The following PDE8B variants were observed in gnomAD, a reference collection of about 807,000 sequenced individuals.
PDE8B encodes the protein phosphodiesterase 8B, also known as high affinity cAMP-specific and IBMX-insensitive 3',5'-cyclic phosphodiesterase 8B.
Under a neutral mutation model 101.3 loss-of-function variants are expected in PDE8B, and 26 were observed. The ratio of observed to expected loss-of-function variants is 0.26; its 90% CI spans 0.19 to 0.36. The LOEUF is 0.36. PDE8B is among the 10% of genes least tolerant of loss of function. The pLI is 1.00. For synonymous variants in PDE8B, 424 were observed against 429.3 expected (o/e 0.99, Z 0.15); for missense variants, 810 against 1,163.1 (o/e 0.70, Z 4.42).
At chr5:77,270,021 A>G (rs1325078999) in intron 1 of PDE8B, among the ~76,000 whole-genome samples, 1 of 152,020 alleles carries the variant, frequency 6.6e-6, no homozygotes, top group Non-Finnish European at 1.5e-5. Flanking sequence ...TGTTGTTGGT[A>G]TTTTGCTAGG....
chr5:77,192,683 TG>T, the PDE8B span, among the ~76,000 whole-genome samples: 1 of 152,202 alleles, frequency 6.6e-6, no homozygotes. Context: ...TTATTTCTCT[TG>T]GGTAAGTGCC....
At chr5:77,296,229 C>T (rs946284883) in intron 1 of PDE8B, among the ~76,000 whole-genome samples, 7 of 151,100 alleles carry the variant, frequency 4.6e-5, no homozygotes, top group African/African-American at 1.7e-4. Context: ...TCCTTCTCTT[C>T]GTTTTCCTCT....
the PDE8B span, chr5:77,147,139 A>AGAT: frequency 3.3e-6 from 1 of 306,020 alleles, no homozygotes. Flanking sequence ...AGGAAGATGA[A>AGAT]GATGATGATG....
chr5:77,404,508 T>C (rs1793014665), intron 11 of PDE8B, among the ~76,000 whole-genome samples: 2 of 152,232 alleles, frequency 1.3e-5, no homozygotes, highest in Non-Finnish European at 2.9e-5. Context: ...TAACATGGCA[T>C]TATCTTAAAA....
the PDE8B span, among the ~76,000 whole-genome samples, chr5:77,100,609 T>C: frequency 6.6e-6 from 1 of 152,302 alleles, no homozygotes; most frequent in East Asian, 1.9e-4. Flanking sequence ...AGGCAACCCT[T>C]GTACAGAGAG....
the PDE8B span, among the ~76,000 whole-genome samples, chr5:77,193,111 T>A: frequency 2.0e-5 from 3 of 152,330 alleles, no homozygotes; most frequent in Non-Finnish European, 4.4e-5. Flanking sequence ...TTTCTCCCAG[T>A]CTGTGGCTTG....
intron 6 of PDE8B, among the ~76,000 whole-genome samples, chr5:77,338,372 G>A (rs1778571641): frequency 6.6e-6 from 1 of 152,200 alleles, no homozygotes; most frequent in African/African-American, 2.4e-5. Context: ...TCACTTTTTG[G>A]TGGGTAGAGT....
chr5:77,110,261 A>G, the PDE8B span, among the ~76,000 whole-genome samples: 2 of 151,944 alleles, frequency 1.3e-5, no homozygotes, highest in East Asian at 3.9e-4. Context: ...TAATTATTAA[A>G]TGGCCAGCGC....
At chr5:77,148,984 T>G in the PDE8B span, among the ~76,000 whole-genome samples, 3 of 152,182 alleles carry the variant, frequency 2.0e-5, no homozygotes, top group Non-Finnish European at 4.4e-5. Context: ...CTTCCAGAAG[T>G]TTTGCAGTTT....
intron 10 of PDE8B, among the ~76,000 whole-genome samples, chr5:77,398,828 T>C (rs1791640457): frequency 1.3e-5 from 2 of 152,186 alleles, no homozygotes; most frequent in Admixed American, 1.3e-4. Context: ...CCATTCCACA[T>C]AGAAGTGGCT....
At chr5:77,423,835 C>T (rs985645365) in intron 20 of PDE8B, among the ~76,000 whole-genome samples, 1 of 151,682 alleles carries the variant, frequency 6.6e-6, no homozygotes, top group African/African-American at 2.4e-5. Context: ...TGGGGTTTCC[C>T]TGTGTTGCCC....
At chr5:77,122,373 T>C in the PDE8B span, among the ~76,000 whole-genome samples, 5,074 of 152,326 alleles carry the variant, frequency 0.033, 223 homozygotes, top group African/African-American at 0.096. Flanking sequence ...ACCTCTTTTT[T>C]CTTGCTGGTC....
intron 2 of PDE8B, among the ~76,000 whole-genome samples, chr5:77,318,069 A>AC (rs1181464393): frequency 6.6e-6 from 1 of 151,174 alleles, no homozygotes; most frequent in East Asian, 1.9e-4. Context: ...AAAAAAAAAA[A>AC]AAAAAAAACA....
the PDE8B span, among the ~76,000 whole-genome samples, chr5:77,176,651 GGACA>G: frequency 1.3e-5 from 2 of 152,160 alleles, no homozygotes; most frequent in African/African-American, 2.4e-5. Flanking sequence ...GGATGCAAAG[GGACA>G]GACAGAGAGC....
At chr5:77,286,377 C>T (rs1473562394) in intron 1 of PDE8B, among the ~76,000 whole-genome samples, 1 of 152,166 alleles carries the variant, frequency 6.6e-6, no homozygotes, top group Non-Finnish European at 1.5e-5. Flanking sequence ...TCTGGTTGCC[C>T]CAGGCTCCAT....
At chr5:77,422,482 A>G (rs1305901590) in intron 20 of PDE8B, among the ~76,000 whole-genome samples, 1 of 152,186 alleles carries the variant, frequency 6.6e-6, no homozygotes, top group Non-Finnish European at 1.5e-5. Flanking sequence ...ACTTTTTTCT[A>G]GATAAAAGGG....
intron 10 of PDE8B, among the ~76,000 whole-genome samples, chr5:77,371,569 G>A (rs1014628811): frequency 6.6e-6 from 1 of 152,108 alleles, no homozygotes; most frequent in African/African-American, 2.4e-5. Flanking sequence ...GGTATTCTAT[G>A]TCCTTTCAAT....
the PDE8B span, among the ~76,000 whole-genome samples, chr5:77,096,778 G>A: frequency 6.6e-6 from 1 of 152,186 alleles, no homozygotes; most frequent in Non-Finnish European, 1.5e-5. Context: ...ACATGGCATT[G>A]TTCCTGGGTG....
intron 1 of PDE8B, among the ~76,000 whole-genome samples, chr5:77,274,821 G>C (rs1763519828): frequency 6.6e-6 from 1 of 152,220 alleles, no homozygotes; most frequent in South Asian, 2.1e-4. Context: ...AGACCTGAGA[G>C]CCCGAGAGGA....
Sources: allele counts gnomAD v4.1 joint callset (sites outside exome capture counted in the v4.1 genomes callset), GRCh38; gene constraint gnomAD v4.1.1; transcripts MANE v1.5; gene names NCBI Gene and HGNC (gene_info 2026-07-23, HGNC 2026-07-21).